GRIN2B: variants seen among roughly 807,000 people sequenced by gnomAD.
GRIN2B encodes the protein glutamate receptor ionotropic, NMDA 2B.
GRIN2B carries 5 observed loss-of-function variants against 114.5 expected under a neutral mutation model. That is an observed-to-expected ratio of 0.04 (90% CI 0.02 to 0.09). GRIN2B has a LOEUF of 0.09. Ranked by LOEUF, GRIN2B falls within the 10% of genes least tolerant of loss-of-function variation. GRIN2B has a pLI of 1.00. For missense variants in GRIN2B, 1,108 were observed against 1,943.5 expected (o/e 0.57, Z 8.08); for synonymous variants, 787 against 745.1 (o/e 1.06, Z -0.92).
chr12:13,639,632 A>G (rs1949695663), intron 5 of GRIN2B, among the ~76,000 whole-genome samples: 1 of 152,110 alleles, frequency 6.6e-6, no homozygotes, highest in Non-Finnish European at 1.5e-5. Flanking sequence ...AGATTGGAAA[A>G]GCATAATGTG....
At chr12:13,855,026 C>T (rs1001587626) in intron 3 of GRIN2B, among the ~76,000 whole-genome samples, 4 of 132,308 alleles carry the variant, frequency 3.0e-5, no homozygotes, top group African/African-American at 1.2e-4. Flanking sequence ...GCCTGGCCAA[C>T]ATGGTGAAAC....
chr12:13,707,832 G>A (rs1950374681), intron 4 of GRIN2B, among the ~76,000 whole-genome samples: 1 of 152,064 alleles, frequency 6.6e-6, no homozygotes, highest in East Asian at 1.9e-4. Flanking sequence ...AGGAATGAAA[G>A]CAACAAATCT....
intron 2 of GRIN2B, among the ~76,000 whole-genome samples, chr12:13,929,930 A>C (rs138831629): frequency 6.6e-6 from 1 of 152,266 alleles, no homozygotes; most frequent in African/African-American, 2.4e-5. Flanking sequence ...TCAAACCTGT[A>C]ATCTCAGCAC....
intron 3 of GRIN2B, among the ~76,000 whole-genome samples, chr12:13,859,614 T>TC (rs1865721023): frequency 6.6e-6 from 1 of 152,174 alleles, no homozygotes; most frequent in Non-Finnish European, 1.5e-5. Flanking sequence ...GGCTTTTTTT[T>TC]CTTACTCCCT....
chr12:13,651,066 A>C (rs1949807723), intron 5 of GRIN2B, among the ~76,000 whole-genome samples: 1 of 152,066 alleles, frequency 6.6e-6, no homozygotes, highest in South Asian at 2.1e-4. Context: ...CTTTCCACTA[A>C]ATGAGAGGGA....
intron 3 of GRIN2B, among the ~76,000 whole-genome samples, chr12:13,841,062 G>A (rs1347370237): frequency 1.3e-5 from 2 of 152,068 alleles, no homozygotes; most frequent in East Asian, 3.8e-4. Context: ...GATATGACAT[G>A]ATATTAACTC....
chr12:13,959,102 G>A (rs369007538), intron 2 of GRIN2B, among the ~76,000 whole-genome samples: 1 of 152,194 alleles, frequency 6.6e-6, no homozygotes, highest in Non-Finnish European at 1.5e-5. Context: ...AATGAGAGAC[G>A]GAGTAATAGG....
chr12:13,861,571 G>A (rs1339549306), intron 3 of GRIN2B, among the ~76,000 whole-genome samples: 3 of 152,128 alleles, frequency 2.0e-5, no homozygotes, highest in Non-Finnish European at 2.9e-5. Flanking sequence ...ATTACTATTC[G>A]AAACAGTCTC....
chr12:13,808,553 T>C (rs1226951651), intron 3 of GRIN2B, among the ~76,000 whole-genome samples: 1 of 151,076 alleles, frequency 6.6e-6, no homozygotes, highest in African/African-American at 2.4e-5. Context: ...AGGAGAACAC[T>C]TAGACACAGG....
At position 13,685,704 on chromosome 12, in the gene GRIN2B, C is replaced by A. The variant is rs2268108; in HGVS notation, c.1011-9845G>T. On this transcript the variant is annotated intron_variant, in intron 4 of 13. Coordinates refer to ENST00000609686, the MANE Select transcript of GRIN2B (RefSeq NM_000834.5). ...GACTTCAGAAAACCCAGTCATAAAC[C>A]ACACCTACCATACAGATAAAATCCT... 3.9e-5 allele frequency among the ~76,000 whole-genome samples: 6 copies of A among 152,140 alleles called. No homozygotes were observed. In the East Asian group the frequency reaches 1.2e-3, roughly 29 times the overall value.
At chr12:13,797,171 A>AT (rs1443219037) in intron 3 of GRIN2B, among the ~76,000 whole-genome samples, 6 of 152,174 alleles carry the variant, frequency 3.9e-5, no homozygotes, top group Non-Finnish European at 7.4e-5. Flanking sequence ...AGCAGAATCA[A>AT]TGTCTTATGA....
intron 4 of GRIN2B, among the ~76,000 whole-genome samples, chr12:13,749,707 A>T (rs1280576629): frequency 6.6e-6 from 1 of 152,190 alleles, no homozygotes; most frequent in Non-Finnish European, 1.5e-5. Context: ...GGTAAGTAGG[A>T]GGAGCTTGAA....
At chr12:13,866,329 T>G in intron 2 of GRIN2B, 103 bp from the exon 3 acceptor site, 1 of 993,436 alleles carries the variant, frequency 1.0e-6, no homozygotes, top group East Asian at 2.6e-5. Flanking sequence ...CTCCTTTCAT[T>G]GAGCACCAAA....
At chr12:13,877,099 G>A (rs939858449) in intron 2 of GRIN2B, among the ~76,000 whole-genome samples, 6 of 152,186 alleles carry the variant, frequency 3.9e-5, no homozygotes, top group African/African-American at 1.4e-4. Flanking sequence ...GTATCTGGAT[G>A]TATATTTGTA....
intron 4 of GRIN2B, among the ~76,000 whole-genome samples, chr12:13,725,737 A>G (rs1386496102): frequency 6.6e-6 from 1 of 152,154 alleles, no homozygotes; most frequent in African/African-American, 2.4e-5. Context: ...AAATGGAGCA[A>G]TTTCCAGGGA....
intron 10 of GRIN2B, among the ~76,000 whole-genome samples, chr12:13,593,250 A>C (rs904385538): frequency 6.6e-6 from 1 of 152,212 alleles, no homozygotes; most frequent in African/African-American, 2.4e-5. Flanking sequence ...AATCCTAAGC[A>C]AAAAGAACAA....
At chr12:13,974,463 T>C (rs1410998787) in intron 2 of GRIN2B, among the ~76,000 whole-genome samples, 1 of 152,202 alleles carries the variant, frequency 6.6e-6, no homozygotes, top group Non-Finnish European at 1.5e-5. Flanking sequence ...AGCAGCAAAT[T>C]CCTGTGTTGT....
intron 2 of GRIN2B, among the ~76,000 whole-genome samples, chr12:13,939,389 A>G (rs1867192120): frequency 6.6e-6 from 1 of 151,952 alleles, no homozygotes; most frequent in African/African-American, 2.4e-5. Flanking sequence ...TGTGGTTCAC[A>G]GGAGATCTGG....
intron 2 of GRIN2B, among the ~76,000 whole-genome samples, chr12:13,956,940 T>C (rs1163848929): frequency 6.6e-6 from 1 of 152,232 alleles, no homozygotes; most frequent in Non-Finnish European, 1.5e-5. Context: ...AATTTCTGTG[T>C]ATAAACAGAC....
Sources: gnomAD v4.1 joint callset for allele counts (sites outside exome capture counted in the v4.1 genomes callset) on GRCh38, gnomAD v4.1.1 for gene constraint, MANE v1.5 for transcripts, NCBI Gene and HGNC (gene_info 2026-07-23, HGNC 2026-07-21) for gene names.